FANCD2: variants seen among roughly 807,000 people sequenced by gnomAD.
The protein encoded by FANCD2 is FA complementation group D2, also known as Fanconi anemia group D2 protein.
FANCD2 carries 131 observed loss-of-function variants against 192.3 expected under a neutral mutation model. The observed-to-expected ratio is 0.68, with a 90% confidence interval of 0.59 to 0.79. The LOEUF (loss-of-function observed/expected upper bound fraction) is 0.79, where lower values mean the gene tolerates loss of function less well. FANCD2 is among the 30% of genes least tolerant of loss of function. FANCD2 has a pLI of 0.00. For synonymous variants in FANCD2, 524 were observed against 612.5 expected, an observed-to-expected ratio of 0.86 and a Z score of 2.13; for missense variants, 1,508 against 1,701.6, an observed-to-expected ratio of 0.89 and a Z score of 2.00.
chr3:10,056,086 C>G (rs913567771), intron 18 of FANCD2, among the ~76,000 whole-genome samples: 2 of 152,168 alleles, frequency 1.3e-5, no homozygotes, highest in African/African-American at 4.8e-5. Context: ...GCCATGTTGG[C>G]CAGGCTGGTC....
intron 10 of FANCD2, 130 bp downstream of exon 10, chr3:10,041,840 C>A: frequency 3.1e-6 from 2 of 636,260 alleles, no homozygotes; most frequent in Non-Finnish European, 5.6e-6. Flanking sequence ...TTTGATATCT[C>A]TCTTTTTTTT....
At chr3:10,095,878 A>ATTTTTTT (rs397950663) in intron 41 of FANCD2, among the ~76,000 whole-genome samples, 4 of 125,776 alleles carry the variant, frequency 3.2e-5, no homozygotes, top group African/African-American at 6.2e-5. Flanking sequence ...CTGAACAGTG[A>ATTTTTTT]TTTTTTTTTT....
In FANCD2 at chr3:10,094,003, G is replaced by A. The variant is rs184221908; in HGVS notation, c.3889-286G>A. ...TGGGAGTAAGTTATCCTCAGATAGA[G>A]CTCCCCTCTACTCTATGCTCTCACT... On this transcript the variant is annotated intron_variant, in intron 39 of 43. Coordinates refer to ENST00000675286, the MANE Select transcript of FANCD2 (RefSeq NM_001018115.3). 2.0e-5 allele frequency among the ~76,000 whole-genome samples: 3 copies of A among 152,268 alleles called. No homozygotes were observed. The East Asian group carries it at 5.8e-4, about 29-fold the overall frequency.
At chr3:10,027,455 A>G (rs1328203025) in intron 1 of FANCD2, among the ~76,000 whole-genome samples, 1 of 152,192 alleles carries the variant, frequency 6.6e-6, no homozygotes, top group Non-Finnish European at 1.5e-5. Flanking sequence ...CAAGATTAAA[A>G]GGTCATGTGA....
At position 10,070,236 on chromosome 3, in the gene FANCD2, A is replaced by G. The variant is rs1421864667; in HGVS notation, c.2495-2635A>G. On this transcript the variant is annotated intron_variant, in intron 26 of 43. Coordinates refer to ENST00000675286, the MANE Select transcript of FANCD2 (RefSeq NM_001018115.3). ...AGCCCCTCTGCCCGGCAGCCGCCCC[A>G]TCTGAGAAGTGAGGAGTCCCTCCGC... 2.3e-5 allele frequency among the ~76,000 whole-genome samples: 3 copies of G among 133,098 alleles called. No homozygotes were observed. In the East Asian group the frequency reaches 7.8e-4, roughly 35 times the overall value. 87.3% of individuals were successfully genotyped at this position (133,098 alleles called of 152,430 possible). A position where few individuals can be genotyped will look rare whatever the true frequency, so the allele number is the denominator to read the frequency against.
intron 30 of FANCD2, 152 bp from the exon 31 acceptor site, chr3:10,080,948 C>A: frequency 1.2e-6 from 1 of 801,796 alleles, no homozygotes; most frequent in Non-Finnish European, 2.1e-6. Context: ...AGATTTTTAT[C>A]CCTCTGTCAG....
intron 1 of FANCD2, among the ~76,000 whole-genome samples, chr3:10,028,003 A>G (rs1484083425): frequency 2.6e-5 from 4 of 151,180 alleles, no homozygotes; most frequent in African/African-American, 9.7e-5. Flanking sequence ...ACTTGAGGTC[A>G]GGAGTTTGAG....
intron 39 of FANCD2, among the ~76,000 whole-genome samples, chr3:10,093,878 A>G (rs1211506837): frequency 6.6e-6 from 1 of 152,134 alleles, no homozygotes; most frequent in Non-Finnish European, 1.5e-5. Context: ...CCCTTGCGCA[A>G]TGTGGGAGAT....
At chr3:10,050,879 G>C (rs1220206409) in intron 17 of FANCD2, among the ~76,000 whole-genome samples, 1 of 151,792 alleles carries the variant, frequency 6.6e-6, no homozygotes, top group Non-Finnish European at 1.5e-5. Flanking sequence ...CTGAGGTTGG[G>C]AGTTCGAATC....
intron 42 of FANCD2, among the ~76,000 whole-genome samples, chr3:10,096,963 G>C (rs35489304): frequency 1.3e-5 from 2 of 152,212 alleles, no homozygotes; most frequent in East Asian, 3.9e-4. Context: ...GAAATAAAGG[G>C]ACAGAGTACA....
intron 10 of FANCD2, 134 bp downstream of exon 10, chr3:10,041,844 T>A: frequency 8.3e-6 from 2 of 242,274 alleles, no homozygotes; most frequent in Non-Finnish European, 7.5e-6. Context: ...ATATCTCTCT[T>A]TTTTTTTTTT....
At chr3:10,087,073 A>C (rs1694250505) in intron 33 of FANCD2, 61 bp from the exon 34 acceptor site, 2 of 1,589,800 alleles carry the variant, frequency 1.3e-6, no homozygotes, top group Non-Finnish European at 1.7e-6. Context: ...ATGTGGATTT[A>C]AATATATCTG....
chr3:10,087,185 G>A lies in FANCD2; in HGVS notation c.3387G>A (p.Gln1129=). ...TCCATCAAAGCATTCCCAGTTTCCA[G>A]TGTGCTCTTTATCTCATCAGACTTT... ...QNFHQSIPSF[Q]CALYLIRLLM... The change falls in exon 34 of 44, where the codon CAG becomes CAA. Residue 1129 remains glutamine (Q), a synonymous_variant. Coordinates refer to ENST00000675286, the MANE Select transcript of FANCD2 (RefSeq NM_001018115.3). The A allele has an allele frequency of 6.2e-7, 1 of 1,613,338 alleles. No homozygotes were observed. Among genetic ancestry groups the A allele is most frequent in the Non-Finnish European group, 8.5e-7 (1 of 1,179,714 alleles).
intron 32 of FANCD2, among the ~76,000 whole-genome samples, chr3:10,081,941 GT>G (rs1693864924): frequency 6.6e-6 from 1 of 152,180 alleles, no homozygotes; most frequent in Non-Finnish European, 1.5e-5. Flanking sequence ...AAATACTTTT[GT>G]TCCTCAGGGA....
At chr3:10,048,154 T>G in intron 16 of FANCD2, 103 bp downstream of exon 16, 5 of 1,507,010 alleles carry the variant, frequency 3.3e-6, no homozygotes, top group Non-Finnish European at 4.6e-6. Context: ...GAAGGAACTC[T>G]GACCTGGGTC....
Position 10,087,187 on chromosome 3 carries a change from G to A in FANCD2, c.3389G>A (p.Cys1130Tyr), listed in dbSNP as rs750409411. 30 of 1,613,094 alleles carry A rather than the reference G, an allele frequency of 1.9e-5. No individual in the cohort carries two copies. Among genetic ancestry groups the A allele is most frequent in the African/African-American group, 2.7e-5 (2 of 74,634 alleles). The change falls in exon 34 of 44, where the codon TGT becomes TAT. Residue 1130 changes from cysteine (C) to tyrosine (Y), a missense_variant. Coordinates refer to ENST00000675286, the MANE Select transcript of FANCD2 (RefSeq NM_001018115.3). ...NFHQSIPSFQ[C>Y]ALYLIRLLMV... Reference sequence around the variant, plus strand: ...CATCAAAGCATTCCCAGTTTCCAGTGTGCTCTTTATCTCATCAGACTTTTG... The same window carrying A: ...CATCAAAGCATTCCCAGTTTCCAGTATGCTCTTTATCTCATCAGACTTTTG...
At chr3:10,027,814 A>C (rs1352473324) in intron 1 of FANCD2, among the ~76,000 whole-genome samples, 1 of 148,524 alleles carries the variant, frequency 6.7e-6, no homozygotes, top group African/African-American at 2.5e-5. Flanking sequence ...CTGAGGCAGG[A>C]GAATGGTGTG....
intron 41 of FANCD2, 135 bp from the exon 42 acceptor site, chr3:10,096,191 C>T: frequency 1.1e-6 from 1 of 888,272 alleles, no homozygotes; most frequent in South Asian, 1.4e-5. Context: ...CCAAACTATT[C>T]CTGTTTGATG....
chr3:10,059,534 T>G (rs2087503748), intron 18 of FANCD2, among the ~76,000 whole-genome samples: 1 of 152,190 alleles, frequency 6.6e-6, no homozygotes, highest in Non-Finnish European at 1.5e-5. Context: ...GCCAGGCACG[T>G]AATCACCCCT....
Sources: gnomAD v4.1 joint callset for allele counts (sites outside exome capture counted in the v4.1 genomes callset) on GRCh38, gnomAD v4.1.1 for gene constraint, MANE v1.5 for transcripts, NCBI Gene and HGNC (gene_info 2026-07-23, HGNC 2026-07-21) for gene names.